Variants in RTN4 observed in about 807,000 individuals in gnomAD.
RTN4 encodes the protein reticulon-4.
In RTN4, 32 loss-of-function variants were observed where a neutral mutation model predicts 90.4. The ratio of observed to expected loss-of-function variants is 0.35; its 90% confidence interval spans 0.27 to 0.48. The LOEUF (loss-of-function observed/expected upper bound fraction) is 0.48, where lower values mean the gene tolerates loss of function less well. Ranked by LOEUF, RTN4 falls within the 20% of genes least tolerant of loss-of-function variation. The probability of loss-of-function intolerance (pLI) is 0.99; values close to 1 mark genes in which losing one functional copy is unlikely to be tolerated. For synonymous variants in RTN4, 629 were observed against 552.5 expected, an observed-to-expected ratio of 1.14 and a Z score of -1.94; for missense variants, 1,706 against 1,430.2, an observed-to-expected ratio of 1.19 and a Z score of -3.11.
intron 2 of RTN4, among the ~76,000 whole-genome samples, chr2:55,065,470 A>C (rs1339135743): frequency 6.6e-6 from 1 of 152,196 alleles, no homozygotes; most frequent in East Asian, 1.9e-4. Context: ...AAGACATGTA[A>C]AAGTGCTCAT....
At chr2:54,997,615 T>A (rs1055180746) in intron 3 of RTN4, among the ~76,000 whole-genome samples, 6 of 152,122 alleles carry the variant, frequency 3.9e-5, no homozygotes, top group African/African-American at 1.4e-4. Context: ...GTCTATCAAG[T>A]GATGAATGGA....
chr2:54,998,695 A>T (rs1242687353), intron 3 of RTN4, among the ~76,000 whole-genome samples: 2 of 152,172 alleles, frequency 1.3e-5, no homozygotes, highest in South Asian at 4.1e-4. Flanking sequence ...GCACTGTCTG[A>T]ATAGCGGCCA....
chr2:55,004,213 G>C (rs191159257), intron 3 of RTN4, among the ~76,000 whole-genome samples: 47 of 152,250 alleles, frequency 3.1e-4, no homozygotes, highest in African/African-American at 1.0e-3. Flanking sequence ...TTGCAGTGAG[G>C]ACAATACGAA....
At chr2:54,979,179 A>G (rs952187165) in intron 5 of RTN4, among the ~76,000 whole-genome samples, 2 of 151,742 alleles carry the variant, frequency 1.3e-5, no homozygotes, top group African/African-American at 4.8e-5. Flanking sequence ...CAGCCTCCCA[A>G]GTAGCTGGGA....
intron 2 of RTN4, among the ~76,000 whole-genome samples, chr2:55,061,097 A>C (rs1389557624): frequency 2.9e-5 from 4 of 138,160 alleles, no homozygotes; most frequent in African/African-American, 5.6e-5. Flanking sequence ...ATAGAGTCTC[A>C]CTCTGTCACC....
At position 54,973,206 on chromosome 2, in the gene RTN4, T is replaced by C. The variant is rs766864936; in HGVS notation, c.3537-8A>G. On this transcript the variant is annotated splice_polypyrimidine_tract_variant and splice_region_variant and intron_variant, in intron 8 of 8. Coordinates refer to ENST00000337526, the MANE Select transcript of RTN4 (RefSeq NM_020532.5). ...GGGATTTTTGCTTGGATTCTGAAAATGAAAAAGTCAATGTAAATATCAGTT... is the reference window on the plus strand; with the variant it reads ...GGGATTTTTGCTTGGATTCTGAAAACGAAAAAGTCAATGTAAATATCAGTT... 5 of 1,601,180 alleles carry C rather than the reference T, an allele frequency of 3.1e-6. No individual in the cohort carries two copies. Among genetic ancestry groups the C allele is most frequent in the African/African-American group, 2.7e-5 (2 of 74,764 alleles).
At chr2:55,034,817 A>G (rs1325511175) in intron 1 of RTN4, among the ~76,000 whole-genome samples, 1 of 152,226 alleles carries the variant, frequency 6.6e-6, no homozygotes, top group Middle Eastern at 3.2e-3. Context: ...CAATAACTAT[A>G]ATACATTTAG....
chr2:55,068,724 A>G (rs1369048578), intron 2 of RTN4, among the ~76,000 whole-genome samples: 2 of 151,756 alleles, frequency 1.3e-5, no homozygotes, highest in Admixed American at 1.3e-4. Context: ...AAATAATTGC[A>G]TAAATGATTT....
chr2:55,055,986 TTGTGTGTG>T (rs35396348), intron 2 of RTN4, among the ~76,000 whole-genome samples: 2 of 148,008 alleles, frequency 1.4e-5, no homozygotes, highest in Non-Finnish European at 3.0e-5. Context: ...ATATATGTGT[TTGTGTGTG>T]TGTGTGTGTG....
At chr2:55,051,902 A>G (rs1668098009), upstream of RTN4, among the ~76,000 whole-genome samples, 1 of 151,268 alleles carries the variant, frequency 6.6e-6, no homozygotes, top group South Asian at 2.1e-4. Context: ...TTTTAAATAC[A>G]TAATGGCTCA....
the RTN4 span, among the ~76,000 whole-genome samples, chr2:55,131,675 G>A: frequency 2.0e-5 from 3 of 152,122 alleles, no homozygotes; most frequent in Admixed American, 6.5e-5. Context: ...CCTGAAGTCA[G>A]GAGTTCGAGA....
chr2:55,032,247 T>C (rs1323017342), intron 1 of RTN4, among the ~76,000 whole-genome samples: 1 of 152,026 alleles, frequency 6.6e-6, no homozygotes, highest in Non-Finnish European at 1.5e-5. Context: ...ACCAAGCTAA[T>C]TTTTGTGTTT....
intron 1 of RTN4, among the ~76,000 whole-genome samples, chr2:55,097,209 G>C (rs867798539): frequency 6.6e-6 from 1 of 151,600 alleles, no homozygotes; most frequent in Non-Finnish European, 1.5e-5. Flanking sequence ...TTGTGATAAA[G>C]GAGGATTGCT....
At chr2:55,070,849 T>C (rs6713756) in intron 2 of RTN4, among the ~76,000 whole-genome samples, 38,362 of 151,582 alleles carry the variant, frequency 0.25, 5,444 homozygotes, top group Non-Finnish European at 0.32. Context: ...CGATCTCGGC[T>C]CACTGCAAGC....
chr2:55,001,761 A>T (rs1679865508), intron 3 of RTN4, among the ~76,000 whole-genome samples: 1 of 152,214 alleles, frequency 6.6e-6, no homozygotes. Flanking sequence ...AAGAGCCCCC[A>T]GGAAAGTACA....
chr2:55,019,085 A>T (rs1191907028), intron 3 of RTN4, among the ~76,000 whole-genome samples: 1 of 152,198 alleles, frequency 6.6e-6, no homozygotes, highest in African/African-American at 2.4e-5. Context: ...CCCTCAAAAT[A>T]TGCAATAATT....
At position 55,050,419 on chromosome 2, in the gene RTN4, G is replaced by C; in HGVS notation, c.-119C>G. On this transcript the variant is annotated 5_prime_UTR_variant, in exon 1 of 9. Coordinates refer to ENST00000337526, the MANE Select transcript of RTN4 (RefSeq NM_020532.5). The surrounding 1 kb of genome is among the most constrained non-coding windows in gnomAD (Gnocchi z 4.6). ...AGAGGGGCTGGGCCGACTGAGCCGA[G>C]GGACCTACTGTGGTGACGGCTCCCG... 1.9e-6 allele frequency: 1 copy of C among 520,732 alleles called. No individual in the cohort carries two copies. The highest frequency in any genetic ancestry group is 4.1e-5 in the South Asian group (1 of 24,180). The allele number at this position is 520,732 out of a possible 1,614,324, so 32.3% of individuals were successfully genotyped here.
In RTN4 at chr2:55,104,641, G is replaced by A. The variant is rs138741798; in HGVS notation, c.-214+7879C>T. Among the ~76,000 whole-genome samples, 81 of 151,384 alleles carry A rather than the reference G, an allele frequency of 5.4e-4. No homozygotes were observed. The East Asian group carries it at 0.014, about 25-fold the overall frequency. The stretch of plus-strand genomic sequence containing the variant: ...GCTGGGATTACAGGTGTGAGCCACC[G>A]TGCCTGGCCTTGTTTTTATTTTTTA... On this transcript the variant is annotated intron_variant, in intron 1 of 3. Coordinates refer to the RTN4 transcript ENST00000427710.
At chr2:55,103,673 G>GTT (rs1373280987) in intron 1 of RTN4, among the ~76,000 whole-genome samples, 1 of 151,954 alleles carries the variant, frequency 6.6e-6, no homozygotes, top group Non-Finnish European at 1.5e-5. Flanking sequence ...CTTCTATACA[G>GTT]TTGTATACTT....
Sources: gnomAD v4.1 joint callset for allele counts (sites outside exome capture counted in the v4.1 genomes callset) on GRCh38, gnomAD v4.1.1 for gene constraint, Gnocchi (gnomAD v3.1) non-coding constraint, MANE v1.5 for transcripts, NCBI Gene and HGNC (gene_info 2026-07-23, HGNC 2026-07-21) for gene names.